PREX2: variants seen among roughly 807,000 people sequenced by gnomAD.
The protein encoded by PREX2 is phosphatidylinositol-3,4,5-trisphosphate dependent Rac exchange factor 2.
Under a neutral mutation model 203.2 loss-of-function variants are expected in PREX2, and 107 were observed. The observed-to-expected ratio is 0.53, with a 90% CI of 0.45 to 0.62. The LOEUF (loss-of-function observed/expected upper bound fraction) is 0.62. PREX2 is among the 20% of genes least tolerant of loss of function. The probability of loss-of-function intolerance (pLI) is 0.00; values close to 1 mark genes in which losing one functional copy is unlikely to be tolerated. For missense variants in PREX2, 1,777 were observed against 1,955.9 expected, an observed-to-expected ratio of 0.91 and a Z score of 1.72; for synonymous variants, 672 against 663.6, an observed-to-expected ratio of 1.01 and a Z score of -0.19.
At chr8:68,123,531 A>C (rs891401284) in intron 30 of PREX2, among the ~76,000 whole-genome samples, 7 of 151,980 alleles carry the variant, frequency 4.6e-5, no homozygotes, top group African/African-American at 1.4e-4. Context: ...CCAAACAAAC[A>C]CATTAGAAAT....
At chr8:68,188,329 A>T (rs1441330423) in intron 35 of PREX2, among the ~76,000 whole-genome samples, 1 of 152,230 alleles carries the variant, frequency 6.6e-6, no homozygotes, top group Non-Finnish European at 1.5e-5. Flanking sequence ...AAAATAATTT[A>T]AAAACCATCC....
intron 23 of PREX2, among the ~76,000 whole-genome samples, chr8:68,100,418 A>G (rs1810225949): frequency 6.6e-6 from 1 of 152,246 alleles, no homozygotes; most frequent in Non-Finnish European, 1.5e-5. Flanking sequence ...AAATCCCTGC[A>G]AAGTGAGGGG....
intron 39 of PREX2, among the ~76,000 whole-genome samples, chr8:68,228,181 T>G (rs140890105): frequency 7.9e-5 from 12 of 152,286 alleles, no homozygotes; most frequent in African/African-American, 2.9e-4. Flanking sequence ...AATATTACAT[T>G]CCAGATGTCG....
At chr8:68,079,373 G>A (rs886327244) in intron 15 of PREX2, among the ~76,000 whole-genome samples, 1 of 152,152 alleles carries the variant, frequency 6.6e-6, no homozygotes, top group African/African-American at 2.4e-5. Flanking sequence ...CCTTTTGACT[G>A]CTTACTATAT....
intron 1 of PREX2, among the ~76,000 whole-genome samples, chr8:67,955,109 A>C (rs1263479124): frequency 7.2e-6 from 1 of 138,020 alleles, no homozygotes; most frequent in African/African-American, 2.8e-5. Flanking sequence ...ATGCCACTGC[A>C]CTCCAGCCTG....
intron 9 of PREX2, among the ~76,000 whole-genome samples, chr8:68,054,957 A>G (rs1032159708): frequency 6.6e-6 from 1 of 152,212 alleles, no homozygotes; most frequent in Non-Finnish European, 1.5e-5. Flanking sequence ...TATCTTATCA[A>G]TAGTGCCTCC....
intron 1 of PREX2, among the ~76,000 whole-genome samples, chr8:68,017,230 A>G (rs985315680): frequency 2.0e-5 from 3 of 152,090 alleles, no homozygotes; most frequent in African/African-American, 2.4e-5. Flanking sequence ...TGCCTACCAT[A>G]GAGGTATGGA....
intron 35 of PREX2, among the ~76,000 whole-genome samples, chr8:68,158,880 C>T (rs1811599904): frequency 6.6e-6 from 1 of 152,112 alleles, no homozygotes; most frequent in South Asian, 2.1e-4. Flanking sequence ...CAGGAAGGCT[C>T]ATTCCCAAGT....
In PREX2 at chr8:68,191,785, T is replaced by C; in HGVS notation, c.4410T>C (p.Asp1470=). Residue 1470 remains aspartate (D), a synonymous_variant, in exon 36 of 40, where the codon GAT becomes GAC. Transcript: ENST00000288368. Reference sequence around the variant, plus strand: ...CCACATCCAAAGCTGCCTATGTAGATAAGGTAAAAACAGATGATTATATTT... The same window carrying C: ...CCACATCCAAAGCTGCCTATGTAGACAAGGTAAAAACAGATGATTATATTT... ...PNSTSKAAYV[D]KLMRPLNALD... 1 of 1,597,422 alleles carries C rather than the reference T, an allele frequency of 6.3e-7. No homozygotes were observed. The highest frequency in any genetic ancestry group is 8.6e-7 in the Non-Finnish European group (1 of 1,165,116).
rs147460586 is a variant in PREX2, at chr8:68,148,017, C to G, written c.4231+1665C>G. Reference sequence around the variant, plus strand: ...ATCCTAGCACTTTGGGAGGCCGAGGCAGGTGAATCACCTGAGGTCAGGAGT... The same window carrying G: ...ATCCTAGCACTTTGGGAGGCCGAGGGAGGTGAATCACCTGAGGTCAGGAGT... On this transcript the variant is annotated intron_variant, in intron 34 of 39. Coordinates refer to ENST00000288368, the MANE Select transcript of PREX2 (RefSeq NM_024870.4). Among the ~76,000 whole-genome samples, 411 of 152,146 alleles carry G rather than the reference C, an allele frequency of 2.7e-3. 4 individuals carry two copies. Among genetic ancestry groups the G allele is most frequent in the African/African-American group, 9.5e-3 (394 of 41,516 alleles).
Position 68,202,714 on chromosome 8 carries a change from C to G in PREX2, c.4604+10189C>G, listed in dbSNP as rs1812529793. 6.6e-5 allele frequency among the ~76,000 whole-genome samples: 10 copies of G among 152,116 alleles called. No individual in the cohort carries two copies. In the South Asian group the frequency reaches 2.1e-3, roughly 32 times the overall value. ...GGTAGAATGTTCAGTCACAGTTCTG[C>G]CAAGGGACAGAACTGATAGGACAGA... On this transcript the variant is annotated intron_variant, in intron 37 of 39. Transcript: ENST00000288368.
intron 34 of PREX2, among the ~76,000 whole-genome samples, chr8:68,153,651 A>T (rs1036711305): frequency 1.3e-5 from 2 of 152,174 alleles, no homozygotes; most frequent in Admixed American, 6.5e-5. Context: ...TGGGTTTTTT[A>T]TAACAATAAA....
At chr8:68,198,959 T>C (rs1490693176) in intron 37 of PREX2, among the ~76,000 whole-genome samples, 1 of 152,226 alleles carries the variant, frequency 6.6e-6, no homozygotes, top group Admixed American at 6.5e-5. Flanking sequence ...GTGTGATGTC[T>C]TCAAATCAAA....
In PREX2 at chr8:68,022,232, G is replaced by T. The variant is rs532845875; in HGVS notation, c.441+92G>T. The T allele has an allele frequency of 1.4e-4, 97 of 700,894 alleles. 3 individuals are homozygous for T. The South Asian group carries it at 1.6e-3, about 11-fold the overall frequency. The allele number at this position is 700,894 out of a possible 1,614,324, so 43.4% of individuals were successfully genotyped here. ...TAGCATCAATATGGAGTAAAAATCT[G>T]TGGGATACCTCTGTTAGCATCCCCA... On this transcript the variant is annotated intron_variant, in intron 4 of 39. Coordinates refer to ENST00000288368, the MANE Select transcript of PREX2 (RefSeq NM_024870.4).
intron 37 of PREX2, among the ~76,000 whole-genome samples, chr8:68,201,869 A>G (rs1273586109): frequency 6.6e-6 from 1 of 151,246 alleles, no homozygotes; most frequent in African/African-American, 2.4e-5. Flanking sequence ...GGTGAGATTT[A>G]AATACCCAGG....
rs774217719 is a variant in PREX2 at position 68,079,229 on chromosome 8, A to G, written c.1643-1214A>G. Among the ~76,000 whole-genome samples, 7 of 152,322 alleles carry G rather than the reference A, an allele frequency of 4.6e-5. No individual in the cohort carries two copies. The East Asian group carries it at 5.8e-4, about 13-fold the overall frequency. On this transcript the variant is annotated intron_variant, in intron 15 of 39. Coordinates refer to ENST00000288368, the MANE Select transcript of PREX2 (RefSeq NM_024870.4). Reference sequence around the variant, plus strand: ...TAATTATGGCTTCCGTTGTTTTTCAAATTTGTGGTTGATAGTTTCGTTTGT... The same window carrying G: ...TAATTATGGCTTCCGTTGTTTTTCAGATTTGTGGTTGATAGTTTCGTTTGT...
chr8:67,960,133 C>T (rs1044475319), intron 1 of PREX2, among the ~76,000 whole-genome samples: 3 of 152,058 alleles, frequency 2.0e-5, no homozygotes, highest in Non-Finnish European at 2.9e-5. Context: ...CTTCCCTCTT[C>T]CGGGTTCAAG....
At chr8:68,111,769 T>C (rs894501791) in intron 25 of PREX2, among the ~76,000 whole-genome samples, 3 of 152,230 alleles carry the variant, frequency 2.0e-5, no homozygotes, top group African/African-American at 7.2e-5. Context: ...AGTGCCTGGA[T>C]TCCCCCTTGC....
At chr8:68,031,262 G>A (rs1807874536) in intron 6 of PREX2, among the ~76,000 whole-genome samples, 1 of 152,118 alleles carries the variant, frequency 6.6e-6, no homozygotes. Context: ...ATTTCATGCG[G>A]TTGGAGTCCT....
Sources: allele counts gnomAD v4.1 joint callset (sites outside exome capture counted in the v4.1 genomes callset), GRCh38; gene constraint gnomAD v4.1.1; transcripts MANE v1.5; gene names NCBI Gene and HGNC (gene_info 2026-07-23, HGNC 2026-07-21).